The following BRD8 variants were observed in gnomAD, a reference collection of about 807,000 sequenced individuals.
BRD8 encodes bromodomain-containing protein 8.
A neutral mutation model predicts 143.1 loss-of-function variants in BRD8; 67 were observed. The observed-to-expected ratio is 0.47, with a 90% confidence interval of 0.38 to 0.57. The LOEUF (loss-of-function observed/expected upper bound fraction) is 0.57. BRD8 is among the 20% of genes least tolerant of loss of function. The pLI, the probability that BRD8 is intolerant of heterozygous loss-of-function variation, is 0.00. For missense variants in BRD8, 1,103 were observed against 1,503.0 expected (o/e 0.73, Z 4.40); for synonymous variants, 505 against 517.1 (o/e 0.98, Z 0.32).
rs191977032 is a variant in BRD8 at position 138,163,637 on chromosome 5, T to C, written c.1873-293A>G. 3,322 of 1,407,218 alleles carry C rather than the reference T, an allele frequency of 2.4e-3. 6 individuals carry two copies. Among genetic ancestry groups the C allele is most frequent in the Non-Finnish European group, 2.9e-3 (3,071 of 1,066,938 alleles). 87.2% of individuals were successfully genotyped at this position (1,407,218 alleles called of 1,614,324 possible). A position where few individuals can be genotyped will look rare whatever the true frequency, so the allele number is the denominator to read the frequency against. ...TTCTTTCCCCTTGCTCGAGAGTAAC[T>C]CTGACCCTGGGTACAAAGTTATCAA... On this transcript the variant is annotated intron_variant, in intron 14 of 26. Coordinates refer to ENST00000254900, the MANE Select transcript of BRD8 (RefSeq NM_139199.2).
At chr5:138,177,689 A>G in intron 1 of BRD8, 22 bp from the exon 2 acceptor site, 1 of 1,515,142 alleles carries the variant, frequency 6.6e-7, no homozygotes, top group Non-Finnish European at 9.0e-7. Context: ...AGAAAAAAAA[A>G]AAAGCCTTGG....
At chr5:138,161,994 C>T in intron 16 of BRD8, 60 bp downstream of exon 16, 5 of 1,574,780 alleles carry the variant, frequency 3.2e-6, no homozygotes, top group Non-Finnish European at 4.3e-6. Context: ...GACTTTTTTC[C>T]AGTCACCAAC....
chr5:138,155,641 C>T (rs1752557894), intron 20 of BRD8, among the ~76,000 whole-genome samples: 1 of 150,990 alleles, frequency 6.6e-6, no homozygotes, highest in Admixed American at 6.6e-5. Flanking sequence ...TGTGATCCTC[C>T]CACCTCAGCC....
At chr5:138,167,089 T>TAAAAAAAAAAAAA (rs1753492918) in intron 9 of BRD8, 1 of 4,970 alleles carries the variant, frequency 2.0e-4, no homozygotes, top group Non-Finnish European at 4.9e-4. Flanking sequence ...CTACTAAAAA[T>TAAAAAAAAAAAAA]ACAAAAAAAA....
rs760911463 is a variant in BRD8, at chr5:138,164,132, G to A, written c.1827C>T (p.Asp609=). The change falls in exon 14 of 27, where the codon GAC becomes GAT. Residue 609 remains aspartate (D), a splice_region_variant and synonymous_variant. Transcript: ENST00000254900. ...AETQHKFEMS[D]SLKEESGTIF... ...TAGTCCCTGATTCTTCTTTCAATGA[G>A]TCTGCAGAGGAGAGAAAGACTACCT... 7 of 1,613,856 alleles carry A rather than the reference G, an allele frequency of 4.3e-6. No individual in the cohort carries two copies. The African/African-American group carries it at 6.7e-5, about 15-fold the overall frequency.
At chr5:138,140,591 C>G (rs779498385) in intron 26 of BRD8, 114 bp downstream of exon 26, 1 of 1,254,410 alleles carries the variant, frequency 8.0e-7, no homozygotes. Flanking sequence ...CCTTCAGGGC[C>G]TTAATCACCT....
intron 6 of BRD8, 83 bp from the exon 7 acceptor site, chr5:138,170,492 T>C (rs1753777699): frequency 6.7e-7 from 1 of 1,490,002 alleles, no homozygotes; most frequent in African/African-American, 1.4e-5. Context: ...GTAATTTTTT[T>C]TGCCAGGCCA....
chr5:138,150,018 G>A (rs1245184055), intron 22 of BRD8, among the ~76,000 whole-genome samples: 1 of 152,078 alleles, frequency 6.6e-6, no homozygotes, highest in African/African-American at 2.4e-5. Flanking sequence ...CTCACCTCCA[G>A]CAAAATGGAA....
At chr5:138,172,986 C>T in intron 2 of BRD8, 1 of 175,308 alleles carries the variant, frequency 5.7e-6, no homozygotes, top group South Asian at 9.9e-5. Context: ...AAACTGCTAA[C>T]ACTAGTAGAC....
Position 138,170,583 on chromosome 5 carries a change from C to T in BRD8, c.441-174G>A, listed in dbSNP as rs1753785060. ...GGGGTATACTGCCTAACTCCCAGTT[C>T]TTCACCCAGGCAAACTATAGCCACT... On this transcript the variant is annotated intron_variant, in intron 6 of 26. Coordinates refer to ENST00000254900, the MANE Select transcript of BRD8 (RefSeq NM_139199.2). The T allele has an allele frequency of 3.7e-6, 3 of 820,586 alleles. No individual in the cohort carries two copies. In the East Asian group the frequency reaches 7.2e-5, roughly 20 times the overall value. The allele number at this position is 820,586 out of a possible 1,614,324, so 50.8% of individuals were successfully genotyped here.
At chr5:138,172,973 A>G in intron 2 of BRD8, 1 of 181,712 alleles carries the variant, frequency 5.5e-6, no homozygotes, top group South Asian at 8.5e-5. Context: ...GGAGAGACAC[A>G]AGAAACTGCT....
intron 17 of BRD8, 101 bp downstream of exon 17, chr5:138,161,695 A>G: frequency 8.2e-7 from 1 of 1,225,112 alleles, no homozygotes; most frequent in South Asian, 1.4e-5. Flanking sequence ...GCAAAACCAT[A>G]AACTTACTTG....
At chr5:138,146,831 G>C (rs1031670422) in intron 23 of BRD8, among the ~76,000 whole-genome samples, 6 of 151,808 alleles carry the variant, frequency 4.0e-5, no homozygotes, top group South Asian at 4.2e-4. Context: ...TTAGCTGGGC[G>C]TGGTGGCGGG....
intron 22 of BRD8, 128 bp downstream of exon 22, chr5:138,150,616 TG>T: frequency 1.9e-6 from 2 of 1,065,012 alleles, no homozygotes; most frequent in Non-Finnish European, 2.7e-6. Context: ...CAGCTAAAAC[TG>T]GTGCTAAATC....
Position 138,139,984 on chromosome 5 carries a change from G to A in BRD8, c.*90C>T, listed in dbSNP as rs1164005744. On this transcript the variant is annotated 3_prime_UTR_variant, in exon 27 of 27. Transcript: ENST00000254900. The stretch of plus-strand genomic sequence containing the variant: ...TTATTCTTGTTGGAAAAGAAAATGA[G>A]GACATGGCAAAGAAGTACCAGGATC... 1 of 998,574 alleles carries A rather than the reference G, an allele frequency of 1.0e-6. No homozygotes were observed. The highest frequency in any genetic ancestry group is 1.6e-5 in the African/African-American group (1 of 62,506). 61.9% of individuals were successfully genotyped at this position (998,574 alleles called of 1,614,324 possible). A position where few individuals can be genotyped will look rare whatever the true frequency, so the allele number is the denominator to read the frequency against.
chr5:138,161,078 A>G lies in BRD8; in HGVS notation c.2250-10T>C, dbSNP rs749737955. On this transcript the variant is annotated splice_polypyrimidine_tract_variant and intron_variant, in intron 17 of 26. Transcript: ENST00000254900. Reference sequence around the variant, plus strand: ...TGACAAATCCATAGGCCTAAAAAAAAAGAACAGGGGTAAGTAGCAGTGGGG... The same window carrying G: ...TGACAAATCCATAGGCCTAAAAAAAGAGAACAGGGGTAAGTAGCAGTGGGG... 27 of 1,606,772 alleles carry G rather than the reference A, an allele frequency of 1.7e-5. No homozygotes were observed. In the South Asian group the frequency reaches 2.3e-4, roughly 14 times the overall value.
At chr5:138,144,339 G>A (rs945727478) in intron 25 of BRD8, among the ~76,000 whole-genome samples, 2 of 151,984 alleles carry the variant, frequency 1.3e-5, no homozygotes, top group African/African-American at 2.4e-5. Flanking sequence ...CTGAACATCC[G>A]AAGGAACAAA....
intron 25 of BRD8, among the ~76,000 whole-genome samples, chr5:138,141,526 T>C (rs973555225): frequency 1.3e-5 from 2 of 152,232 alleles, no homozygotes; most frequent in East Asian, 3.8e-4. Context: ...AGAGGCAGCC[T>C]GACTCCAGAG....
Position 138,170,423 on chromosome 5 carries a change from T to A in BRD8, c.441-14A>T, listed in dbSNP as rs746573493. 5 of 1,613,936 alleles carry A rather than the reference T, an allele frequency of 3.1e-6. No individual in the cohort carries two copies. The highest frequency in any genetic ancestry group is 1.1e-5 in the South Asian group (1 of 91,088). On this transcript the variant is annotated splice_polypyrimidine_tract_variant and intron_variant, in intron 6 of 26. Transcript: ENST00000254900. ...AATTTCTTTTTCCTAAACAGGGAAT[T>A]AAGGGTTAGATGCTAGACAGCTCTG...
Sources: gnomAD v4.1 joint callset for allele counts (sites outside exome capture counted in the v4.1 genomes callset) on GRCh38, gnomAD v4.1.1 for gene constraint, MANE v1.5 for transcripts, NCBI Gene and HGNC (gene_info 2026-07-23, HGNC 2026-07-21) for gene names.